RAD51B: variants seen among roughly 807,000 people sequenced by gnomAD.
The protein encoded by RAD51B is DNA repair protein RAD51 homolog 2.
A neutral mutation model predicts 42.2 loss-of-function variants in RAD51B; 38 were observed. That is an observed-to-expected ratio of 0.90 (90% CI 0.70 to 1.18). RAD51B has a LOEUF of 1.18. Ranked by LOEUF, RAD51B falls within the 50% of genes most tolerant of loss-of-function variation. The pLI is 0.00. For synonymous variants in RAD51B, 154 were observed against 145.2 expected (o/e 1.06, Z -0.43); for missense variants, 373 against 400.7 (o/e 0.93, Z 0.59).
rs978975404 is a variant in RAD51B, at chr14:68,175,175, T to G, written c.757-116709T>G. Among the ~76,000 whole-genome samples, 9 of 152,188 alleles carry G rather than the reference T, an allele frequency of 5.9e-5. No homozygotes were observed. The South Asian group carries it at 1.4e-3, about 25-fold the overall frequency. On this transcript the variant is annotated intron_variant, in intron 7 of 10. Coordinates refer to ENST00000471583, the MANE Select transcript of RAD51B (RefSeq NM_133510.4). ...GCATTTCTATCTTTCCATCTGAGACTTACAACTTCAAACTCCATTTTCCAT... is the reference window on the plus strand; with the variant it reads ...GCATTTCTATCTTTCCATCTGAGACGTACAACTTCAAACTCCATTTTCCAT...
chr14:68,073,560 C>T lies in RAD51B; in HGVS notation c.756+186356C>T, dbSNP rs117177179. 6.6e-3 allele frequency among the ~76,000 whole-genome samples: 1,012 copies of T among 152,182 alleles called. 7 individuals carry two copies. Among genetic ancestry groups the T allele is most frequent in the Non-Finnish European group, 9.1e-3 (618 of 68,002 alleles). On this transcript the variant is annotated intron_variant, in intron 7 of 10. Transcript: ENST00000471583. ...TTGATATGTGCAGATTTGATCCTGT[C>T]ATCATGTTGTTGGCTGGTTGTTATG...
At chr14:68,676,902 T>C (rs12895574) in intron 11 of RAD51B, among the ~76,000 whole-genome samples, 32,499 of 152,192 alleles carry the variant, frequency 0.21, 3,713 homozygotes, top group African/African-American at 0.28. Flanking sequence ...CCAGAGAAGC[T>C]GTGCTCTTCT....
At chr14:68,223,677 T>A (rs972809435) in intron 7 of RAD51B, among the ~76,000 whole-genome samples, 11 of 150,786 alleles carry the variant, frequency 7.3e-5, no homozygotes, top group Non-Finnish European at 1.0e-4. Context: ...ACAAATTTTT[T>A]AAAATATTTT....
intron 7 of RAD51B, among the ~76,000 whole-genome samples, chr14:68,230,266 G>C (rs560713763): frequency 6.6e-6 from 1 of 152,300 alleles, no homozygotes; most frequent in South Asian, 2.1e-4. Context: ...ATTTTTGAAG[G>C]TATAGAGAGT....
chr14:67,864,390 GTTTATAAAGCAATAAATTTGC>G (rs1440747264), intron 4 of RAD51B, among the ~76,000 whole-genome samples: 1 of 152,192 alleles, frequency 6.6e-6, no homozygotes, highest in Non-Finnish European at 1.5e-5. Flanking sequence ...CTCAACAGTT[GTTTATAAAGCAATAAATTTGC>G]TTTATTTCTC....
At chr14:68,269,339 T>G (rs1003304358) in intron 7 of RAD51B, among the ~76,000 whole-genome samples, 10 of 152,218 alleles carry the variant, frequency 6.6e-5, no homozygotes, top group Admixed American at 6.5e-4. Flanking sequence ...TCCAAGGCAC[T>G]GCCTGACTCA....
intron 10 of RAD51B, 117 bp from the exon 11 acceptor site, chr14:68,477,531 G>A (rs1882766123): frequency 1.2e-5 from 15 of 1,244,544 alleles, no homozygotes; most frequent in Non-Finnish European, 1.5e-5. Context: ...TGGGCAATAC[G>A]TATGAAAGAG....
At chr14:67,922,188 T>TAAA (rs2044348543) in intron 7 of RAD51B, among the ~76,000 whole-genome samples, 1 of 152,186 alleles carries the variant, frequency 6.6e-6, no homozygotes, top group Non-Finnish European at 1.5e-5. Flanking sequence ...AGCTCTCCCT[T>TAAA]GCCTTCTCTT....
chr14:67,890,260 G>T (rs1337017887), intron 7 of RAD51B, among the ~76,000 whole-genome samples: 1 of 151,962 alleles, frequency 6.6e-6, no homozygotes, highest in Non-Finnish European at 1.5e-5. Context: ...ATTTAGTTTG[G>T]CCCCTTCATT....
At chr14:67,838,832 T>C (rs2041334367) in intron 4 of RAD51B, among the ~76,000 whole-genome samples, 2 of 151,842 alleles carry the variant, frequency 1.3e-5, no homozygotes, top group South Asian at 4.1e-4. Context: ...TGATGTTTGC[T>C]GTAAGTAGAT....
intron 8 of RAD51B, among the ~76,000 whole-genome samples, chr14:68,349,552 G>A (rs1455871370): frequency 6.6e-6 from 1 of 152,152 alleles, no homozygotes; most frequent in Non-Finnish European, 1.5e-5. Context: ...TTTCAGTAGA[G>A]ATGGGTTTTC....
intron 7 of RAD51B, among the ~76,000 whole-genome samples, chr14:68,068,468 A>G (rs1241665357): frequency 1.3e-5 from 2 of 152,188 alleles, no homozygotes; most frequent in African/African-American, 2.4e-5. Context: ...ACTGCCAAAT[A>G]ATATTCCACA....
chr14:68,533,429 T>C (rs1887432518), intron 10 of RAD51B, among the ~76,000 whole-genome samples: 1 of 152,196 alleles, frequency 6.6e-6, no homozygotes, highest in African/African-American at 2.4e-5. Context: ...GGTGGATGAC[T>C]TAGGAATAAG....
intron 7 of RAD51B, among the ~76,000 whole-genome samples, chr14:67,905,458 G>C (rs576246486): frequency 6.6e-6 from 1 of 152,138 alleles, no homozygotes; most frequent in African/African-American, 2.4e-5. Flanking sequence ...GAAAAATGTT[G>C]GTAGTTTGAT....
chr14:68,579,783 G>T (rs1185422745), intron 10 of RAD51B, among the ~76,000 whole-genome samples: 1 of 152,226 alleles, frequency 6.6e-6, no homozygotes, highest in Admixed American at 6.5e-5. Context: ...AAGGAGGCTG[G>T]CTGCCCCACT....
At chr14:68,492,985 C>T (rs1884198167) in intron 10 of RAD51B, among the ~76,000 whole-genome samples, 2 of 152,188 alleles carry the variant, frequency 1.3e-5, no homozygotes, top group South Asian at 2.1e-4. Context: ...AAGCTGCAGC[C>T]TCTCTGATCC....
At chr14:68,003,871 A>G (rs2075530645) in intron 7 of RAD51B, among the ~76,000 whole-genome samples, 1 of 152,136 alleles carries the variant, frequency 6.6e-6, no homozygotes, top group Non-Finnish European at 1.5e-5. Flanking sequence ...AGCCTACTTG[A>G]TTGTGGTGGA....
intron 7 of RAD51B, among the ~76,000 whole-genome samples, chr14:67,916,018 T>C (rs1454384836): frequency 6.6e-6 from 1 of 152,202 alleles, no homozygotes; most frequent in African/African-American, 2.4e-5. Context: ...TAATATATCA[T>C]GTACCACAAA....
chr14:68,180,987 G>A (rs770785018), intron 7 of RAD51B, among the ~76,000 whole-genome samples: 3 of 152,186 alleles, frequency 2.0e-5, no homozygotes, highest in Non-Finnish European at 4.4e-5. Flanking sequence ...AACAGCAGAG[G>A]CATTGGTGTT....
Sources: allele counts gnomAD v4.1 joint callset (sites outside exome capture counted in the v4.1 genomes callset), GRCh38; gene constraint gnomAD v4.1.1; transcripts MANE v1.5; gene names NCBI Gene and HGNC (gene_info 2026-07-23, HGNC 2026-07-21).